Variants in PTPRK observed in about 807,000 individuals in gnomAD.
PTPRK encodes protein tyrosine phosphatase receptor type K, also known as receptor-type tyrosine-protein phosphatase kappa.
PTPRK carries 75 observed loss-of-function variants against 178.0 expected under a neutral mutation model. The observed-to-expected ratio is 0.42, with a 90% confidence interval of 0.35 to 0.51. PTPRK has a LOEUF of 0.51. Ranked by LOEUF, PTPRK falls within the 20% of genes least tolerant of loss-of-function variation. The probability of loss-of-function intolerance (pLI) is 0.02; values close to 1 mark genes in which losing one functional copy is unlikely to be tolerated. For synonymous variants in PTPRK, 637 were observed against 620.6 expected (o/e 1.03, Z -0.39); for missense variants, 1,441 against 1,797.8 (o/e 0.80, Z 3.59).
At chr6:128,002,409 T>C (rs1052108644) in intron 15 of PTPRK, among the ~76,000 whole-genome samples, 2 of 151,900 alleles carry the variant, frequency 1.3e-5, no homozygotes, top group African/African-American at 4.8e-5. Flanking sequence ...AAAATTGATA[T>C]GGAACCTGTA....
At chr6:128,214,000 C>T (rs1252207867) in intron 6 of PTPRK, among the ~76,000 whole-genome samples, 1 of 152,040 alleles carries the variant, frequency 6.6e-6, no homozygotes, top group African/African-American at 2.4e-5. Flanking sequence ...TTGCTCATCC[C>T]CTACATATGC....
chr6:128,449,427 T>C (rs1847467193), intron 1 of PTPRK, among the ~76,000 whole-genome samples: 1 of 152,194 alleles, frequency 6.6e-6, no homozygotes, highest in South Asian at 2.1e-4. Context: ...TCTATAACCA[T>C]TCTTAACACA....
At chr6:128,490,273 C>T (rs912845364) in intron 1 of PTPRK, among the ~76,000 whole-genome samples, 8 of 152,114 alleles carry the variant, frequency 5.3e-5, no homozygotes, top group East Asian at 1.9e-4. Context: ...AAAGTTAATT[C>T]GTGACAAGAA....
intron 1 of PTPRK, among the ~76,000 whole-genome samples, chr6:128,418,332 C>G (rs1843065815): frequency 6.6e-6 from 1 of 152,200 alleles, no homozygotes; most frequent in African/African-American, 2.4e-5. Context: ...TCCCTAACCC[C>G]CAGGTCATGG....
At chr6:128,392,190 C>A (rs1455392035) in intron 2 of PTPRK, among the ~76,000 whole-genome samples, 3 of 152,230 alleles carry the variant, frequency 2.0e-5, no homozygotes, top group African/African-American at 4.8e-5. Context: ...CTGAATCAGA[C>A]CTCACTAAGT....
At chr6:128,365,734 G>A (rs947267982) in intron 2 of PTPRK, among the ~76,000 whole-genome samples, 16 of 152,030 alleles carry the variant, frequency 1.1e-4, no homozygotes, top group Non-Finnish European at 1.9e-4. Context: ...ACCTCTCCTG[G>A]CTGGAGAGTT....
Position 128,342,017 on chromosome 6 carries a change from C to T in PTPRK, c.224-19707G>A, listed in dbSNP as rs79616355. On this transcript the variant is annotated intron_variant, in intron 2 of 29. Transcript: ENST00000368226. Reference sequence around the variant, plus strand: ...CCTGTAATCCCAGCACTTTAGGAGGCCAAGGCTGGCGGATCACCTGAGGTC... The same window carrying T: ...CCTGTAATCCCAGCACTTTAGGAGGTCAAGGCTGGCGGATCACCTGAGGTC... Among the ~76,000 whole-genome samples, 15 of 152,240 alleles carry T rather than the reference C, an allele frequency of 9.9e-5. No individual in the cohort carries two copies. The East Asian group carries it at 2.7e-3, about 27-fold the overall frequency.
intron 1 of PTPRK, among the ~76,000 whole-genome samples, chr6:128,512,257 A>G (rs116727921): frequency 0.02 from 3,121 of 152,284 alleles, 61 homozygotes; most frequent in African/African-American, 0.049. Context: ...TTAATTCAAT[A>G]AATTATATAT....
intron 1 of PTPRK, among the ~76,000 whole-genome samples, chr6:128,426,322 C>G (rs887609494): frequency 6.6e-6 from 1 of 152,182 alleles, no homozygotes; most frequent in Admixed American, 6.5e-5. Flanking sequence ...AGGTCTCTAG[C>G]TGCAAGTAAT....
Position 128,260,237 on chromosome 6 carries a change from A to T in PTPRK, c.496-17635T>A, listed in dbSNP as rs140025763. Among the ~76,000 whole-genome samples, 529 of 152,236 alleles carry T rather than the reference A, an allele frequency of 3.5e-3. 1 individual carries two copies. The highest frequency in any genetic ancestry group is 0.012 in the African/African-American group (502 of 41,544). Reference sequence around the variant, plus strand: ...GATTTCATTCTAAATGTAACAGAACAGGCTTATAGCAGAGGAGTGACATAA... The same window carrying T: ...GATTTCATTCTAAATGTAACAGAACTGGCTTATAGCAGAGGAGTGACATAA... On this transcript the variant is annotated intron_variant, in intron 3 of 29. Transcript: ENST00000368226.
chr6:128,471,891 C>T (rs1850718284), intron 1 of PTPRK, among the ~76,000 whole-genome samples: 1 of 151,652 alleles, frequency 6.6e-6, no homozygotes, highest in South Asian at 2.1e-4. Context: ...ATAATAAGAA[C>T]ATAGCAGAAG....
rs554871009 is a variant in PTPRK, at chr6:128,411,217, A to G, written c.101-13529T>C. Among the ~76,000 whole-genome samples, 65 of 152,158 alleles carry G rather than the reference A, an allele frequency of 4.3e-4. 1 individual carries two copies. The South Asian group carries it at 0.014, about 32-fold the overall frequency. ...CTACCAGCCTTAAGTTTATAATCATAATCACAACCACAGCAAATGAACACA... is the reference window on the plus strand; with the variant it reads ...CTACCAGCCTTAAGTTTATAATCATGATCACAACCACAGCAAATGAACACA... On this transcript the variant is annotated intron_variant, in intron 1 of 29. Coordinates refer to ENST00000368226, the MANE Select transcript of PTPRK (RefSeq NM_002844.4).
chr6:128,486,786 AAGAC>A (rs756676234), intron 1 of PTPRK, among the ~76,000 whole-genome samples: 2 of 151,644 alleles, frequency 1.3e-5, no homozygotes, highest in African/African-American at 4.9e-5. Flanking sequence ...GAAAGAAAGA[AAGAC>A]AGAAAGACAG....
intron 2 of PTPRK, among the ~76,000 whole-genome samples, chr6:128,396,577 A>G (rs1282486706): frequency 2.0e-5 from 3 of 152,094 alleles, no homozygotes; most frequent in African/African-American, 7.2e-5. Flanking sequence ...ATGAAATGGT[A>G]TGTAAATATT....
intron 13 of PTPRK, among the ~76,000 whole-genome samples, chr6:128,012,539 A>G (rs1426180345): frequency 2.0e-5 from 3 of 151,276 alleles, no homozygotes; most frequent in Non-Finnish European, 4.4e-5. Context: ...GCCAAAGAGC[A>G]TATAAGGAAT....
At chr6:128,360,567 A>G (rs983588976) in intron 2 of PTPRK, among the ~76,000 whole-genome samples, 2 of 152,220 alleles carry the variant, frequency 1.3e-5, no homozygotes, top group Non-Finnish European at 2.9e-5. Context: ...TATGGTGAAT[A>G]TGAAGCCAGT....
chr6:128,062,793 T>C (rs1781083703), intron 13 of PTPRK: 1 of 152,160 alleles, frequency 6.6e-6, no homozygotes, highest in Non-Finnish European at 1.5e-5. Context: ...ATGCTCTCGC[T>C]TCAGCCTCCC....
At chr6:128,252,388 G>A (rs1455175608) in intron 3 of PTPRK, among the ~76,000 whole-genome samples, 1 of 152,130 alleles carries the variant, frequency 6.6e-6, no homozygotes, top group African/African-American at 2.4e-5. Flanking sequence ...ACTTGTAAAC[G>A]ATTATCAATG....
chr6:128,074,220 T>C (rs547878096), intron 11 of PTPRK, among the ~76,000 whole-genome samples: 23 of 152,166 alleles, frequency 1.5e-4, no homozygotes, highest in African/African-American at 5.3e-4. Context: ...AACCTTAGAA[T>C]GGGTAGCTTC....
Sources: gnomAD v4.1 joint callset for allele counts (sites outside exome capture counted in the v4.1 genomes callset) on GRCh38, gnomAD v4.1.1 for gene constraint, MANE v1.5 for transcripts, NCBI Gene and HGNC (gene_info 2026-07-23, HGNC 2026-07-21) for gene names.